The following RMDN2 variants were observed in gnomAD, a reference collection of about 807,000 sequenced individuals.
RMDN2 encodes regulator of microtubule dynamics 2, also known as regulator of microtubule dynamics protein 2.
In RMDN2, 61 loss-of-function variants were observed where a neutral mutation model predicts 52.8. The ratio of observed to expected loss-of-function variants is 1.16; its 90% CI spans 0.94 to 1.43. The LOEUF is 1.43. RMDN2 is among the 40% of genes most tolerant of loss of function. The pLI, the probability that RMDN2 is intolerant of heterozygous loss-of-function variation, is 0.00. For synonymous variants in RMDN2, 180 were observed against 153.1 expected (o/e 1.18, Z -1.30); for missense variants, 592 against 475.3 (o/e 1.25, Z -2.28).
At chr2:37,932,809 C>T (rs1440104172) in intron 2 of RMDN2, among the ~76,000 whole-genome samples, 33 of 118,780 alleles carry the variant, frequency 2.8e-4, no homozygotes, top group African/African-American at 9.5e-4. Context: ...GCTGGCTGGG[C>T]GGGGGGCTGA....
At chr2:37,935,035 T>C (rs1293659985) in intron 2 of RMDN2, among the ~76,000 whole-genome samples, 1 of 152,228 alleles carries the variant, frequency 6.6e-6, no homozygotes, top group Non-Finnish European at 1.5e-5. Flanking sequence ...CAGGGTTGTA[T>C]AGTGACCATA....
In RMDN2 at chr2:37,964,330, C is replaced by T. The variant is rs1384575322; in HGVS notation, c.453-9710C>T. Among the ~76,000 whole-genome samples the T allele has an allele frequency of 7.9e-5, 12 of 152,326 alleles. No homozygotes were observed. The East Asian group carries it at 2.3e-3, about 29-fold the overall frequency. The stretch of plus-strand genomic sequence containing the variant: ...GTAAGCATTTCCAGGTATAAATTTT[C>T]CTCCTATCACCTCTTTTGCTACATC... On this transcript the variant is annotated intron_variant, in intron 2 of 10. Coordinates refer to ENST00000354545, the MANE Select transcript of RMDN2 (RefSeq NM_001170791.3).
intron 2 of RMDN2, among the ~76,000 whole-genome samples, chr2:37,936,614 G>C (rs964075825): frequency 6.6e-6 from 1 of 152,132 alleles, no homozygotes; most frequent in Non-Finnish European, 1.5e-5. Context: ...ATCTCATTGT[G>C]GTTTTGATTT....
chr2:38,057,007 TCA>T (rs1295332240), intron 10 of RMDN2, among the ~76,000 whole-genome samples: 1 of 152,208 alleles, frequency 6.6e-6, no homozygotes, highest in Non-Finnish European at 1.5e-5. Context: ...CTTTGTGGGT[TCA>T]TGACTCTCTG....
chr2:37,989,932 A>T (rs1169163646), intron 6 of RMDN2, among the ~76,000 whole-genome samples: 1 of 151,786 alleles, frequency 6.6e-6, no homozygotes, highest in Non-Finnish European at 1.5e-5. Flanking sequence ...TCACGAGGTC[A>T]GGAGATTGAG....
chr2:37,922,421 TA>T (rs111938013), upstream of RMDN2, among the ~76,000 whole-genome samples: 373 of 144,300 alleles, frequency 2.6e-3, no homozygotes, highest in South Asian at 4.6e-3. Context: ...AAATAAAACC[TA>T]AAAAAAAAAA....
At chr2:37,956,868 A>C in intron 2 of RMDN2, among the ~76,000 whole-genome samples, 1 of 150,890 alleles carries the variant, frequency 6.6e-6, no homozygotes. Context: ...ATGTGTTCTC[A>C]TTGTTCAACT....
upstream of RMDN2, chr2:37,923,486 T>G (rs1666089175): frequency 6.6e-6 from 1 of 152,206 alleles, no homozygotes; most frequent in African/African-American, 2.4e-5. Context: ...AAATTTTGTT[T>G]TAAATACTGA....
chr2:38,017,749 C>G, downstream of RMDN2: 1 of 328,586 alleles, frequency 3.0e-6, no homozygotes. Context: ...ATCAAACTAG[C>G]TTTCACTCGT....
rs1263918898 is a variant in RMDN2 at position 38,009,107 on chromosome 2, A to T, written c.1179+4891A>T. Among the ~76,000 whole-genome samples, 5 of 152,174 alleles carry T rather than the reference A, an allele frequency of 3.3e-5. No individual in the cohort carries two copies. The East Asian group carries it at 9.6e-4, about 29-fold the overall frequency. On this transcript the variant is annotated intron_variant, in intron 10 of 10. Transcript: ENST00000354545. ...TCTGATGGGCTTCCCTTTATGGGTA[A>T]CCCGTCCTTTCTCTCTGGCTGCCCT... is the stretch of plus-strand genomic sequence containing the variant.
chr2:37,978,245 G>A (rs1015002176), intron 4 of RMDN2, among the ~76,000 whole-genome samples: 1 of 150,252 alleles, frequency 6.7e-6, no homozygotes, highest in Non-Finnish European at 1.5e-5. Flanking sequence ...AGGCAGGGAG[G>A]TTGCAGTGAG....
intron 10 of RMDN2, among the ~76,000 whole-genome samples, chr2:38,045,534 G>C (rs1573225490): frequency 6.6e-6 from 1 of 152,290 alleles, no homozygotes; most frequent in East Asian, 1.9e-4. Context: ...AGGAGCTTTA[G>C]AAATCCTCTT....
intron 2 of RMDN2, among the ~76,000 whole-genome samples, chr2:37,960,500 A>T (rs2125011258): frequency 6.6e-6 from 1 of 152,120 alleles, no homozygotes; most frequent in South Asian, 2.1e-4. Flanking sequence ...CTTGATAAAT[A>T]TTCCTCCATC....
At chr2:37,955,797 A>G (rs1171308608) in intron 2 of RMDN2, among the ~76,000 whole-genome samples, 3 of 151,928 alleles carry the variant, frequency 2.0e-5, no homozygotes, top group Admixed American at 6.6e-5. Context: ...TTTTCTTCCC[A>G]GTCTCGGGTA....
chr2:37,982,386 A>G (rs1184519900), intron 5 of RMDN2, among the ~76,000 whole-genome samples: 1 of 152,218 alleles, frequency 6.6e-6, no homozygotes. Context: ...CAAAATATGA[A>G]TAGACTTTTT....
chr2:38,049,280 G>A (rs765794403), intron 10 of RMDN2, among the ~76,000 whole-genome samples: 12 of 152,104 alleles, frequency 7.9e-5, no homozygotes, highest in Non-Finnish European at 1.6e-4. Flanking sequence ...GAAGTTGGGA[G>A]GGAAAGTTAG....
At chr2:38,042,403 CCA>C (rs140036263) in intron 10 of RMDN2, among the ~76,000 whole-genome samples, 13 of 94,148 alleles carry the variant, frequency 1.4e-4, no homozygotes, top group Non-Finnish European at 1.7e-4. Flanking sequence ...CCTCCCCCCG[CCA>C]CACACACACA....
chr2:37,982,167 A>T (rs978465093), intron 5 of RMDN2, among the ~76,000 whole-genome samples: 6 of 152,102 alleles, frequency 3.9e-5, no homozygotes, highest in Non-Finnish European at 7.4e-5. Flanking sequence ...CTCTCTTAAA[A>T]TGACTCCCTT....
At chr2:38,009,953 T>G (rs1283081838) in intron 10 of RMDN2, among the ~76,000 whole-genome samples, 9 of 152,218 alleles carry the variant, frequency 5.9e-5, no homozygotes, top group African/African-American at 2.4e-5. Flanking sequence ...GCTGCAGGTC[T>G]GTTGGAGTTT....
Sources: allele counts gnomAD v4.1 joint callset (sites outside exome capture counted in the v4.1 genomes callset), GRCh38; gene constraint gnomAD v4.1.1; transcripts MANE v1.5; gene names NCBI Gene and HGNC (gene_info 2026-07-23, HGNC 2026-07-21).